Variants in MYO18A observed in about 807,000 individuals in gnomAD.
MYO18A encodes the protein myosin XVIIIA, also known as unconventional myosin-XVIIIa.
A neutral mutation model predicts 235.8 loss-of-function variants in MYO18A; 78 were observed. The observed-to-expected ratio is 0.33, with a 90% CI of 0.28 to 0.40. The LOEUF (loss-of-function observed/expected upper bound fraction) is 0.40. MYO18A is among the 10% of genes least tolerant of loss of function. The probability of loss-of-function intolerance (pLI) is 1.00; values close to 1 mark genes in which losing one functional copy is unlikely to be tolerated. For synonymous variants in MYO18A, 977 were observed against 1,077.8 expected, an observed-to-expected ratio of 0.91 and a Z score of 1.83; for missense variants, 2,215 against 2,699.3, an observed-to-expected ratio of 0.82 and a Z score of 3.98.
Position 29,085,609 on chromosome 17 carries a change from ATTCT to A in MYO18A, c.5888_5891del (p.Lys1963IlefsTer40). 1.2e-6 allele frequency: 2 copies of A among 1,613,984 alleles called. No individual in the cohort carries two copies. Among genetic ancestry groups the A allele is most frequent in the Non-Finnish European group, 1.7e-6 (2 of 1,179,874 alleles). On this transcript the variant is annotated frameshift_variant, in exon 40 of 42. Coordinates refer to ENST00000527372, the MANE Select transcript of MYO18A (RefSeq NM_078471.4). LOFTEE classifies it high-confidence loss of function. ...ACATGCGCTCCAGTCCTCACAGTTTATTCTTTCTTTTCTGATACTTTGTCACCAT... is the reference window on the plus strand; with the variant it reads ...ACATGCGCTCCAGTCCTCACAGTTTATTCTTTTCTGATACTTTGTCACCAT...
chr17:29,095,117 A>G, intron 28 of MYO18A, 58 bp from the exon 29 acceptor site: 3 of 1,479,410 alleles, frequency 2.0e-6, no homozygotes, highest in Non-Finnish European at 2.7e-6. Context: ...CCCCACACAG[A>G]CACTGTCAGG....
intron 2 of MYO18A, among the ~76,000 whole-genome samples, chr17:29,164,555 C>G (rs1472783035): frequency 2.6e-5 from 4 of 152,182 alleles, no homozygotes; most frequent in Admixed American, 2.0e-4. Flanking sequence ...CCTGTTTCCT[C>G]CCATTAGCAC....
chr17:29,130,488 A>T (rs879708741), intron 2 of MYO18A, among the ~76,000 whole-genome samples: 2,864 of 71,612 alleles, frequency 0.04, 104 homozygotes, highest in African/African-American at 0.11. Context: ...ACACACACAC[A>T]CACACACACA....
chr17:29,167,100 T>C, intron 1 of MYO18A, 79 bp from the exon 2 acceptor site: 3 of 973,498 alleles, frequency 3.1e-6, no homozygotes, highest in South Asian at 1.9e-5. Context: ...AACCAAATGA[T>C]ACAGCTACTC....
intron 2 of MYO18A, among the ~76,000 whole-genome samples, chr17:29,152,676 C>A (rs1170178320): frequency 6.6e-6 from 1 of 152,172 alleles, no homozygotes; most frequent in Non-Finnish European, 1.5e-5. Context: ...GGCACCAGTG[C>A]TTCCTGACGT....
At chr17:29,091,754 C>G (rs2066403221) in intron 34 of MYO18A, 1 of 441,574 alleles carries the variant, frequency 2.3e-6, no homozygotes. Context: ...GCCTCCTCCC[C>G]TGCCCCATTC....
intron 2 of MYO18A, among the ~76,000 whole-genome samples, chr17:29,147,578 G>A (rs1308986526): frequency 6.6e-6 from 1 of 151,470 alleles, no homozygotes; most frequent in East Asian, 1.9e-4. Context: ...AAGAGGAGGA[G>A]AAAGGAGGCT....
intron 30 of MYO18A, 33 bp from the exon 31 acceptor site, chr17:29,094,123 TC>T: frequency 1.3e-6 from 2 of 1,528,666 alleles, no homozygotes; most frequent in African/African-American, 1.4e-5. Context: ...CTGGGTTCCC[TC>T]CCCAGCTGTG....
intron 2 of MYO18A, among the ~76,000 whole-genome samples, chr17:29,164,464 C>T (rs770106412): frequency 9.9e-5 from 15 of 152,200 alleles, no homozygotes; most frequent in Non-Finnish European, 2.1e-4. Context: ...CCACTGCCAG[C>T]CCCTCTTCAG....
chr17:29,090,135 G>T (rs773689228), intron 36 of MYO18A, 37 bp from the exon 37 acceptor site: 44 of 1,596,606 alleles, frequency 2.8e-5, no homozygotes, highest in Non-Finnish European at 3.7e-5. Context: ...AAAGAACTGA[G>T]CCCAGAAAGG....
At chr17:29,141,725 G>A (rs566661462) in intron 2 of MYO18A, among the ~76,000 whole-genome samples, 3 of 152,332 alleles carry the variant, frequency 2.0e-5, no homozygotes, top group Admixed American at 2.0e-4. Context: ...TAGGGAGTGG[G>A]ATGTCCCCCC....
intron 2 of MYO18A, among the ~76,000 whole-genome samples, chr17:29,164,137 G>A (rs560537207): frequency 2.0e-5 from 3 of 152,262 alleles, no homozygotes; most frequent in South Asian, 2.1e-4. Flanking sequence ...TGATCCACCC[G>A]CCTCAGCCTC....
intron 15 of MYO18A, among the ~76,000 whole-genome samples, chr17:29,112,377 C>T (rs567689050): frequency 6.6e-6 from 1 of 152,330 alleles, no homozygotes; most frequent in East Asian, 1.9e-4. Context: ...GGGATCACTG[C>T]AGGGTCACTC....
At chr17:29,153,439 G>A (rs771451095) in intron 2 of MYO18A, among the ~76,000 whole-genome samples, 1 of 152,136 alleles carries the variant, frequency 6.6e-6, no homozygotes, top group Non-Finnish European at 1.5e-5. Context: ...AACCACACTG[G>A]ACTAAAACTA....
intron 19 of MYO18A, among the ~76,000 whole-genome samples, chr17:29,108,980 T>C (rs1643101367): frequency 6.6e-6 from 1 of 152,004 alleles, no homozygotes; most frequent in East Asian, 1.9e-4. Flanking sequence ...AGATCGATGA[T>C]TTATTTAGAG....
chr17:29,171,773 G>A (rs1486336789), intron 1 of MYO18A, among the ~76,000 whole-genome samples: 4 of 152,018 alleles, frequency 2.6e-5, no homozygotes, highest in African/African-American at 9.7e-5. Flanking sequence ...GTGCATGCCT[G>A]TGGGAGCTAC....
chr17:29,159,707 C>T (rs1345589079), intron 2 of MYO18A, among the ~76,000 whole-genome samples: 1 of 152,178 alleles, frequency 6.6e-6, no homozygotes, highest in African/African-American at 2.4e-5. Flanking sequence ...TGGAATCCTG[C>T]AGGCCCCACT....
intron 1 of MYO18A, chr17:29,176,888 G>A (rs1483156887): frequency 6.6e-6 from 1 of 152,098 alleles, no homozygotes; most frequent in Non-Finnish European, 1.5e-5. Context: ...CGGCTGGGCC[G>A]GCGCAGCCGC....
At position 29,122,154 on chromosome 17, in the gene MYO18A, T is replaced by C. The variant is rs757231451; in HGVS notation, c.1087+12A>G. 1.2e-6 allele frequency: 2 copies of C among 1,610,426 alleles called. No individual in the cohort carries two copies. Reference sequence around the variant, plus strand: ...AGTCCTGACATGTGCCCCCAGACCCTCTGAGACTCACCCAGTGAGAAGCCG... The same window carrying C: ...AGTCCTGACATGTGCCCCCAGACCCCCTGAGACTCACCCAGTGAGAAGCCG... On this transcript the variant is annotated intron_variant, in intron 3 of 41. Transcript: ENST00000527372.
Sources: gnomAD v4.1 joint callset for allele counts (sites outside exome capture counted in the v4.1 genomes callset) on GRCh38, gnomAD v4.1.1 for gene constraint, MANE v1.5 for transcripts, NCBI Gene and HGNC (gene_info 2026-07-23, HGNC 2026-07-21) for gene names.